Variants in CSMD1 observed in about 807,000 individuals in gnomAD.
The protein encoded by CSMD1 is CUB and Sushi multiple domains 1, also known as CUB and sushi domain-containing protein 1.
CSMD1 carries 213 observed loss-of-function variants against 417.5 expected under a neutral mutation model. The ratio of observed to expected loss-of-function variants is 0.51; its 90% CI spans 0.46 to 0.57. CSMD1 has a LOEUF of 0.57. Among genes scored for constraint, CSMD1 ranks in the 20% least tolerant of loss-of-function variants. The pLI is 0.00. For missense variants in CSMD1, 6,923 were observed against 4,529.7 expected (o/e 1.53, Z -15.17); for synonymous variants, 2,862 against 1,736.8 (o/e 1.65, Z -16.11).
In CSMD1 at chr8:3,649,866, C is replaced by G. The variant is rs564832253; in HGVS notation, c.1010-33069G>C. On this transcript the variant is annotated intron_variant, in intron 7 of 69. Transcript: ENST00000635120. ...GCTAGATGTTTTCTCAATGTTTAAC[C>G]TATGTACACATTTTTTTGAATACTA... 8.5e-5 allele frequency among the ~76,000 whole-genome samples: 13 copies of G among 152,254 alleles called. No individual in the cohort carries two copies. The East Asian group carries it at 2.5e-3, about 29-fold the overall frequency.
At chr8:2,995,280 A>G (rs1163600986) in intron 54 of CSMD1, among the ~76,000 whole-genome samples, 1 of 152,248 alleles carries the variant, frequency 6.6e-6, no homozygotes, top group Admixed American at 6.5e-5. Context: ...AGATGGGAAT[A>G]ATCACCAGAT....
intron 3 of CSMD1, among the ~76,000 whole-genome samples, chr8:4,067,620 A>G (rs1799320402): frequency 6.6e-6 from 1 of 152,188 alleles, no homozygotes; most frequent in South Asian, 2.1e-4. Context: ...TTCATCCAAA[A>G]TGACCCTACA....
intron 2 of CSMD1, among the ~76,000 whole-genome samples, chr8:4,518,732 T>C (rs1803263527): frequency 6.6e-6 from 1 of 151,958 alleles, no homozygotes; most frequent in Admixed American, 6.6e-5. Flanking sequence ...AACCTGCACG[T>C]TGTGCGCATG....
intron 1 of CSMD1, among the ~76,000 whole-genome samples, chr8:4,910,641 G>A (rs933656121): frequency 2.0e-5 from 3 of 152,162 alleles, no homozygotes; most frequent in East Asian, 1.9e-4. Flanking sequence ...CCATTTTGGG[G>A]ATTAGATTTT....
chr8:4,349,241 G>A (rs565414156), intron 3 of CSMD1, among the ~76,000 whole-genome samples: 1 of 152,138 alleles, frequency 6.6e-6, no homozygotes, highest in Non-Finnish European at 1.5e-5. Flanking sequence ...TAATTGTCTT[G>A]TGGTATTTGG....
chr8:4,110,434 A>G (rs1386305034), intron 3 of CSMD1, among the ~76,000 whole-genome samples: 1 of 152,266 alleles, frequency 6.6e-6, no homozygotes, highest in African/African-American at 2.4e-5. Context: ...CTACATTTTC[A>G]TTACTTTTCC....
chr8:3,797,053 G>C (rs1800192249), intron 5 of CSMD1, among the ~76,000 whole-genome samples: 3 of 151,832 alleles, frequency 2.0e-5, no homozygotes, highest in African/African-American at 4.8e-5. Flanking sequence ...ATACGTGGTA[G>C]GGCAATGTAT....
At chr8:4,173,535 T>A (rs755965471) in intron 3 of CSMD1, among the ~76,000 whole-genome samples, 6 of 152,056 alleles carry the variant, frequency 3.9e-5, no homozygotes, top group Non-Finnish European at 8.8e-5. Context: ...CCTCTTGTGG[T>A]TTACAAGAAA....
At chr8:3,225,708 A>C (rs114314129) in intron 27 of CSMD1, among the ~76,000 whole-genome samples, 29,709 of 152,010 alleles carry the variant, frequency 0.2, 3,000 homozygotes, top group Admixed American at 0.22. Flanking sequence ...TGTCTTATTC[A>C]CACTGATCCC....
intron 5 of CSMD1, among the ~76,000 whole-genome samples, chr8:3,955,692 G>T (rs536331053): frequency 1.7e-4 from 26 of 152,236 alleles, no homozygotes; most frequent in Admixed American, 1.7e-3. Context: ...GAGGAAAGAG[G>T]ATGAATACGT....
chr8:3,276,379 C>G (rs1411408843), intron 26 of CSMD1, among the ~76,000 whole-genome samples: 2 of 152,212 alleles, frequency 1.3e-5, no homozygotes, highest in Admixed American at 1.3e-4. Context: ...ACGCTGGGAG[C>G]TGTAGACCGG....
intron 37 of CSMD1, among the ~76,000 whole-genome samples, chr8:3,174,511 A>G (rs1042639781): frequency 2.0e-5 from 3 of 152,192 alleles, no homozygotes; most frequent in Non-Finnish European, 4.4e-5. Flanking sequence ...AACAATAAAC[A>G]AACTATAAAA....
intron 5 of CSMD1, among the ~76,000 whole-genome samples, chr8:3,838,796 A>AT (rs1361248375): frequency 9.0e-6 from 1 of 110,790 alleles, no homozygotes; most frequent in African/African-American, 3.9e-5. Context: ...ATTATATAGT[A>AT]TAATATATAA....
chr8:3,883,755 A>G (rs1158002942), intron 5 of CSMD1, among the ~76,000 whole-genome samples: 1 of 152,152 alleles, frequency 6.6e-6, no homozygotes, highest in Non-Finnish European at 1.5e-5. Context: ...GAAACCAGTC[A>G]TCTTAAATCC....
chr8:3,394,881 T>G (rs889102939), intron 17 of CSMD1, among the ~76,000 whole-genome samples: 1 of 152,206 alleles, frequency 6.6e-6, no homozygotes, highest in African/African-American at 2.4e-5. Context: ...AATTTGAAAT[T>G]TGTCATTAAG....
chr8:4,434,507 C>T (rs1798042307), intron 2 of CSMD1, among the ~76,000 whole-genome samples: 1 of 152,126 alleles, frequency 6.6e-6, no homozygotes, highest in Non-Finnish European at 1.5e-5. Flanking sequence ...AAAGAAAACC[C>T]AGCAAAATTG....
chr8:4,522,725 C>G (rs906094699), intron 2 of CSMD1, among the ~76,000 whole-genome samples: 1 of 152,106 alleles, frequency 6.6e-6, no homozygotes, highest in Non-Finnish European at 1.5e-5. Context: ...CAACCCCTAC[C>G]CTATCCACAC....
At chr8:4,038,761 G>A (rs555476402) in intron 3 of CSMD1, among the ~76,000 whole-genome samples, 89 of 152,312 alleles carry the variant, frequency 5.8e-4, no homozygotes, top group Non-Finnish European at 8.8e-4. Context: ...ATTTGGTAAC[G>A]TGAAAGGATT....
At chr8:3,796,702 G>C (rs1467357511) in intron 5 of CSMD1, among the ~76,000 whole-genome samples, 1 of 150,556 alleles carries the variant, frequency 6.6e-6, no homozygotes, top group Non-Finnish European at 1.5e-5. Flanking sequence ...GAAAAGATGA[G>C]AATGGGTAGG....
Sources: gnomAD v4.1 joint callset for allele counts (sites outside exome capture counted in the v4.1 genomes callset) on GRCh38, gnomAD v4.1.1 for gene constraint, MANE v1.5 for transcripts, NCBI Gene and HGNC (gene_info 2026-07-23, HGNC 2026-07-21) for gene names.